The following CPPED1 variants were observed in gnomAD, a reference collection of about 807,000 sequenced individuals.
CPPED1 encodes serine/threonine-protein phosphatase CPPED1.
CPPED1 carries 28 observed loss-of-function variants against 28.0 expected under a neutral mutation model. The observed-to-expected ratio is 1.00, with a 90% confidence interval of 0.74 to 1.37. The LOEUF (loss-of-function observed/expected upper bound fraction) is 1.37, where lower values mean the gene tolerates loss of function less well. Ranked by LOEUF, CPPED1 falls within the 40% of genes most tolerant of loss-of-function variation. The pLI, the probability that CPPED1 is intolerant of heterozygous loss-of-function variation, is 0.00. For missense variants in CPPED1, 504 were observed against 416.5 expected (o/e 1.21, Z -1.83); for synonymous variants, 198 against 180.2 (o/e 1.10, Z -0.79).
At chr16:12,744,058 C>T (rs1222078906) in intron 2 of CPPED1, among the ~76,000 whole-genome samples, 3 of 152,014 alleles carry the variant, frequency 2.0e-5, no homozygotes, top group Non-Finnish European at 4.4e-5. Flanking sequence ...GGGTGGATCA[C>T]GAGGTCAGGA....
Position 12,781,347 on chromosome 16 carries a change from A to G in CPPED1, c.127T>C (p.Phe43Leu). Residue 43 changes from phenylalanine (F) to leucine (L), a missense_variant, in exon 2 of 4, where the codon TTT becomes CTT. Phe to Leu is a conservative substitution (Grantham distance 22). Coordinates refer to ENST00000381774, the MANE Select transcript of CPPED1 (RefSeq NM_018340.3). Reference protein sequence around the residue: ...FYFILGADPQFGLIKAWSTGD... With the variant: ...FYFILGADPQLGLIKAWSTGD... ...GTGGACCAGGCCTTGATCAGCCCAAACTGTGGGTCTGCGCCCAGGATGAAG... is the reference window on the plus strand; with the variant it reads ...GTGGACCAGGCCTTGATCAGCCCAAGCTGTGGGTCTGCGCCCAGGATGAAG... 6.2e-7 allele frequency: 1 copy of G among 1,614,054 alleles called. No individual in the cohort carries two copies. Among genetic ancestry groups the G allele is most frequent in the Non-Finnish European group, 8.5e-7 (1 of 1,180,010 alleles).
Position 12,665,067 on chromosome 16 carries a change from G to C in CPPED1, c.764C>G (p.Thr255Ser). The stretch of plus-strand genomic sequence containing the variant: ...CACCACCATGTCGAGGTTCTGGTAG[G>C]TACCCCCGGCATTCCTGTGGTAGTG... ...SGHYHRNAGG[T>S]YQNLDMVVSS... The change falls in exon 4 of 4, where the codon ACC (threonine) becomes AGC (serine). Residue 255 changes from threonine (T) to serine (S), a missense_variant. Coordinates refer to ENST00000381774, the MANE Select transcript of CPPED1 (RefSeq NM_018340.3). 1.2e-6 allele frequency: 2 copies of C among 1,607,876 alleles called. No homozygotes were observed. The highest frequency in any genetic ancestry group is 1.7e-6 in the Non-Finnish European group (2 of 1,178,300).
rs973795347 is a variant in CPPED1, at chr16:12,661,875, G to C, written c.*3011C>G. The C allele has an allele frequency of 6.6e-6, 1 of 152,362 alleles. No individual in the cohort carries two copies. The highest frequency in any genetic ancestry group is 1.5e-5 in the Non-Finnish European group (1 of 68,166). The allele number at this position is 152,362 out of a possible 1,614,324, so 9.4% of individuals were successfully genotyped here. ...GTCTGGTCTAGGCTTTGCAGAGCTG[G>C]GAGGAAATCCCTGGGCCTCCAGCTA... On this transcript the variant is annotated 3_prime_UTR_variant, in exon 4 of 4. Coordinates refer to ENST00000381774, the MANE Select transcript of CPPED1 (RefSeq NM_018340.3).
At chr16:12,801,682 G>A (rs2080660664) in intron 1 of CPPED1, among the ~76,000 whole-genome samples, 1 of 152,074 alleles carries the variant, frequency 6.6e-6, no homozygotes. Flanking sequence ...GTTACCAAGG[G>A]CAAAAACCAG....
intron 2 of CPPED1, among the ~76,000 whole-genome samples, chr16:12,775,671 A>G (rs1007314613): frequency 5.9e-5 from 9 of 152,210 alleles, no homozygotes; most frequent in African/African-American, 2.2e-4. Context: ...CATCTCTAAC[A>G]GCTCCATCTG....
In CPPED1 at chr16:12,709,816, C is replaced by T. The variant is rs9930978; in HGVS notation, c.290-4767G>A. 0.61 allele frequency among the ~76,000 whole-genome samples: 92,823 copies of T among 151,732 alleles called. 28,947 individuals carry two copies. The highest frequency in any genetic ancestry group is 0.74 in the African/African-American group (30,551 of 41,384). On this transcript the variant is annotated intron_variant, in intron 2 of 3. Coordinates refer to ENST00000381774, the MANE Select transcript of CPPED1 (RefSeq NM_018340.3). This position sits in a 1 kb window ranked among gnomAD's most constrained non-coding sequence, Gnocchi z 4.4. ...AGACAAGGAAGTCTGCTCTCACACT[C>T]TCACTGAACATCATACTAGAAATCC... is the stretch of plus-strand genomic sequence containing the variant.
chr16:12,764,630 C>G (rs1005090492), intron 2 of CPPED1, among the ~76,000 whole-genome samples: 1 of 152,196 alleles, frequency 6.6e-6, no homozygotes, highest in African/African-American at 2.4e-5. Context: ...TGAGCCACTG[C>G]GCCTGGCCTG....
intron 2 of CPPED1, among the ~76,000 whole-genome samples, chr16:12,708,780 GA>G (rs1239496965): frequency 6.6e-6 from 1 of 152,136 alleles, no homozygotes; most frequent in Non-Finnish European, 1.5e-5. Context: ...AGAGCTTCCT[GA>G]AAAATAGTCC....
At chr16:12,708,286 T>A (rs2865611) in intron 2 of CPPED1, among the ~76,000 whole-genome samples, 1 of 151,940 alleles carries the variant, frequency 6.6e-6, no homozygotes, top group Non-Finnish European at 1.5e-5. Context: ...GGTTGGTCTC[T>A]TGCCCCTTAC....
intron 3 of CPPED1, among the ~76,000 whole-genome samples, chr16:12,703,681 C>CA (rs11334902): frequency 0.017 from 1,674 of 97,218 alleles, 45 homozygotes; most frequent in African/African-American, 0.057. Context: ...GACTTTGTCT[C>CA]AAAAAAAAAA....
At chr16:12,782,365 T>C (rs1000730831) in intron 1 of CPPED1, among the ~76,000 whole-genome samples, 3 of 152,094 alleles carry the variant, frequency 2.0e-5, no homozygotes, top group Non-Finnish European at 2.9e-5. Flanking sequence ...CAGAATAGCA[T>C]CTGGAACTTC....
At chr16:12,778,146 G>A (rs1270899234) in intron 2 of CPPED1, among the ~76,000 whole-genome samples, 1 of 151,792 alleles carries the variant, frequency 6.6e-6, no homozygotes, top group Non-Finnish European at 1.5e-5. Flanking sequence ...CTGACCTCAA[G>A]TGATCCACCC....
chr16:12,752,873 TA>T (rs2080339238), intron 2 of CPPED1: 1 of 146,878 alleles, frequency 6.8e-6, no homozygotes, highest in Non-Finnish European at 1.5e-5. Flanking sequence ...TATTTATTAA[TA>T]TAATATATAA....
chr16:12,701,185 C>T (rs1170130857), intron 3 of CPPED1, among the ~76,000 whole-genome samples: 2 of 151,888 alleles, frequency 1.3e-5, no homozygotes, highest in East Asian at 3.9e-4. Flanking sequence ...GCTATGATCA[C>T]ATCACTGCAC....
chr16:12,675,014 C>T (rs1223669664), intron 3 of CPPED1, among the ~76,000 whole-genome samples: 1 of 152,218 alleles, frequency 6.6e-6, no homozygotes, highest in African/African-American at 2.4e-5. Context: ...AACACGCAGC[C>T]TCTCTCCGAG....
rs1271423869 is a variant in CPPED1, at chr16:12,759,090, G to A, written c.289+22095C>T. Among the ~76,000 whole-genome samples the A allele has an allele frequency of 2.9e-5, 4 of 135,858 alleles. 1 individual carries two copies. The highest frequency in any genetic ancestry group is 1.1e-4 in the African/African-American group (4 of 36,288). The allele number at this position is 135,858 out of a possible 152,430, so 89.1% of individuals were successfully genotyped here. ...GGGTAGCAGGATCACTTGAGCCCAA[G>A]AAGTAGAGGCTACAGTGAGGTATGA... On this transcript the variant is annotated intron_variant, in intron 2 of 3. Transcript: ENST00000381774.
intron 3 of CPPED1, among the ~76,000 whole-genome samples, chr16:12,702,867 C>G (rs540735157): frequency 6.6e-6 from 1 of 152,124 alleles, no homozygotes; most frequent in South Asian, 2.1e-4. Context: ...CAAAAACTAG[C>G]TGGACATGGT....
chr16:12,723,716 G>A (rs551033790), intron 2 of CPPED1, among the ~76,000 whole-genome samples: 1 of 152,210 alleles, frequency 6.6e-6, no homozygotes, highest in South Asian at 2.1e-4. Flanking sequence ...ACAGTGAGGT[G>A]TGGTCGGAGC....
At chr16:12,668,182 G>A (rs1239849547) in intron 3 of CPPED1, among the ~76,000 whole-genome samples, 2 of 152,090 alleles carry the variant, frequency 1.3e-5, no homozygotes, top group South Asian at 2.1e-4. Context: ...AGTTTACCAC[G>A]TCTAAATCTT....
Sources: gnomAD v4.1 joint callset for allele counts (sites outside exome capture counted in the v4.1 genomes callset) on GRCh38, gnomAD v4.1.1 for gene constraint, Gnocchi (gnomAD v3.1) non-coding constraint, MANE v1.5 for transcripts, NCBI Gene and HGNC (gene_info 2026-07-23, HGNC 2026-07-21) for gene names.